CRLF1: variants seen among roughly 807,000 people sequenced by gnomAD.
The protein encoded by CRLF1 is cytokine receptor like factor 1.
In CRLF1, 36 loss-of-function variants were observed where a neutral mutation model predicts 48.9. The observed-to-expected ratio is 0.74, with a 90% CI of 0.56 to 0.97. CRLF1 has a LOEUF of 0.97. Ranked by LOEUF, CRLF1 falls within the 50% of genes least tolerant of loss-of-function variation. The pLI is 0.00. For missense variants in CRLF1, 534 were observed against 575.1 expected (o/e 0.93, Z 0.73); for synonymous variants, 256 against 253.4 (o/e 1.01, Z -0.10).
Position 18,599,694 on chromosome 19 carries a change from C to T in CRLF1, c.268G>A (p.Val90Ile), listed in dbSNP as rs1398287369. 1.2e-6 allele frequency: 2 copies of T among 1,612,170 alleles called. No homozygotes were observed. Among genetic ancestry groups the T allele is most frequent in the African/African-American group, 2.7e-5 (2 of 74,932 alleles). The change falls in exon 2 of 9, where the codon GTA (valine) becomes ATA (isoleucine). Residue 90 changes from valine (V) to isoleucine (I), a missense_variant. Val to Ile is a conservative substitution (Grantham distance 29, BLOSUM62 3). Coordinates refer to ENST00000392386, the MANE Select transcript of CRLF1 (RefSeq NM_004750.5). ...GRRLPPELSR[V>I]LNASTLALAL... ...AGAGCCAAGGTGGAGGCGTTGAGTA[C>T]ACGGGAGAGCTCAGGGGGCAGGCGG...
Position 18,598,567 on chromosome 19 carries a change from G to A in CRLF1, c.562C>T (p.His188Tyr). The A allele has an allele frequency of 1.2e-6, 2 of 1,614,052 alleles. No homozygotes were observed. The highest frequency in any genetic ancestry group is 1.7e-6 in the Non-Finnish European group (2 of 1,179,966). The change falls in exon 4 of 9, where the codon CAC (histidine) becomes TAC (tyrosine). Residue 188 changes from histidine to tyrosine, a missense_variant. By Grantham distance (83) the His-to-Tyr change is moderately conservative. Coordinates refer to ENST00000392386, the MANE Select transcript of CRLF1 (RefSeq NM_004750.5). Reference protein sequence around the residue: ...YGQDNTCEEYHTVGPHSCHIP... With the variant: ...YGQDNTCEEYYTVGPHSCHIP... The stretch of plus-strand genomic sequence containing the variant: ...TGGCAGGAGTGGGGCCCCACTGTGT[G>A]GTACTCCTCACATGTGTTGTCCTGG...
chr19:18,606,122 T>A lies in CRLF1; in HGVS notation c.115+420A>T, dbSNP rs1976291424. Among the ~76,000 whole-genome samples, 1 of 150,842 alleles carries A rather than the reference T, an allele frequency of 6.6e-6. No homozygotes were observed. Among genetic ancestry groups the A allele is most frequent in the Non-Finnish European group, 1.5e-5 (1 of 67,490 alleles). On this transcript the variant is annotated intron_variant, in intron 1 of 8. Coordinates refer to ENST00000392386, the MANE Select transcript of CRLF1 (RefSeq NM_004750.5). This position sits in a 1 kb window ranked among gnomAD's most constrained non-coding sequence, Gnocchi z 4.8. Reference sequence around the variant, plus strand: ...TCCCCGTGGGGCTCATCCCTCCGCCTGGGGGGGCCCGCTGGGGGCCCGCAC... The same window carrying A: ...TCCCCGTGGGGCTCATCCCTCCGCCAGGGGGGGCCCGCTGGGGGCCCGCAC...
Position 18,597,008 on chromosome 19 carries a change from C to T in CRLF1, c.739G>A (p.Gly247Arg), listed in dbSNP as rs892215986. The T allele has an allele frequency of 3.1e-6, 5 of 1,613,242 alleles. No individual in the cohort carries two copies. The highest frequency in any genetic ancestry group is 2.7e-5 in the African/African-American group (2 of 74,858). Residue 247 changes from glycine (G) to arginine (R), a missense_variant, in exon 5 of 9, where the codon GGG (glycine) becomes AGG (arginine). By Grantham distance (125) the Gly-to-Arg change is moderately radical (BLOSUM62 -2). Coordinates refer to ENST00000392386, the MANE Select transcript of CRLF1 (RefSeq NM_004750.5). Reference sequence around the variant, plus strand: ...ACGCTCAGCTGGTCCTCCAGGCCCCCGACGCGGCTCACGTGCACGTCGGGC... The same window carrying T: ...ACGCTCAGCTGGTCCTCCAGGCCCCTGACGCGGCTCACGTGCACGTCGGGC... Reference protein sequence around the residue: ...PPPDVHVSRVGGLEDQLSVRW... With the variant: ...PPPDVHVSRVRGLEDQLSVRW...
chr19:18,593,866 T>A (rs977434580), intron 8 of CRLF1, 199 bp downstream of exon 8: 1 of 985,276 alleles, frequency 1.0e-6, no homozygotes. Context: ...CATTGAATGT[T>A]CTTAGGCTAA....
intron 8 of CRLF1, 67 bp from the exon 9 acceptor site, chr19:18,593,646 AAGGAG>A (rs1158266219): frequency 1.3e-6 from 2 of 1,561,174 alleles, no homozygotes; most frequent in Non-Finnish European, 1.7e-6. Flanking sequence ...AGAGCCACTG[AAGGAG>A]GCTTCATTCG....
At chr19:18,600,317 G>A (rs921448643) in intron 1 of CRLF1, among the ~76,000 whole-genome samples, 3 of 151,434 alleles carry the variant, frequency 2.0e-5, no homozygotes, top group Admixed American at 1.3e-4. Flanking sequence ...TTCTGCCTCA[G>A]CCTCCCGAGT....
intron 8 of CRLF1, 92 bp downstream of exon 8, chr19:18,593,973 T>G: frequency 1.3e-6 from 2 of 1,515,080 alleles, no homozygotes; most frequent in South Asian, 1.2e-5. Context: ...AAGGCTGGGG[T>G]TGGGAGGCGT....
rs761309301 is a variant in CRLF1 at position 18,598,819 on chromosome 19, G to A, written c.480C>T (p.His160=). The A allele has an allele frequency of 9.9e-6, 16 of 1,613,986 alleles. No individual in the cohort carries two copies. The highest frequency in any genetic ancestry group is 5.0e-5 in the Admixed American group (3 of 60,006). ...DLTCRWTPGA[H]GETFLHTNYS... is the part of the protein sequence containing the mutation. ...AGTTGGTGTGGAGGAAGGTCTCCCC[G>A]TGGGCCCCTGGCGTCCAGCGGCAGG... The change falls in exon 3 of 9, where the codon CAC becomes CAT. Residue 160 remains histidine, a synonymous_variant. Transcript: ENST00000392386.
In CRLF1 at chr19:18,606,597, C is replaced by A; in HGVS notation, c.60G>T (p.Leu20=). 1 of 1,125,420 alleles carries A rather than the reference C, an allele frequency of 8.9e-7. No individual in the cohort carries two copies. Among genetic ancestry groups the A allele is most frequent in the Non-Finnish European group, 1.1e-6 (1 of 920,946 alleles). 69.7% of individuals were successfully genotyped at this position (1,125,420 alleles called of 1,614,324 possible). A position where few individuals can be genotyped will look rare whatever the true frequency, so the allele number is the denominator to read the frequency against. ...AQSARRPPPL[L]PLLLLLCVLG... is the part of the protein sequence containing the mutation. ...GGACGCAGAGCAGCAGCAGCAGGGGCAGCAACGGCGGCGGCCGCCGCGCGG... is the reference window on the plus strand; with the variant it reads ...GGACGCAGAGCAGCAGCAGCAGGGGAAGCAACGGCGGCGGCCGCCGCGCGG... Residue 20 remains leucine (L), a synonymous_variant, in exon 1 of 9, where the codon CTG becomes CTT. Transcript: ENST00000392386. This position sits in a 1 kb window ranked among gnomAD's most constrained non-coding sequence, Gnocchi z 4.8.
intron 1 of CRLF1, among the ~76,000 whole-genome samples, chr19:18,603,898 G>A (rs1343975426): frequency 2.0e-5 from 3 of 151,456 alleles, no homozygotes; most frequent in East Asian, 2.0e-4. Flanking sequence ...CGAGGGGGGC[G>A]GGGGGCTGGG....
chr19:18,594,204 C>T (rs1976097659), intron 7 of CRLF1, 43 bp downstream of exon 7: 1 of 1,610,920 alleles, frequency 6.2e-7, no homozygotes, highest in East Asian at 2.2e-5. Context: ...GCCCCCCCAG[C>T]TCCCTGTCCC....
Position 18,596,842 on chromosome 19 carries a change from G to C in CRLF1, c.855+50C>G, listed in dbSNP as rs10401510. ...AGAGGGCGGGGCCTAGCAGGAGCGG[G>C]GGCGGGGCCTGGAAGGAACAGGGGC... On this transcript the variant is annotated intron_variant, in intron 5 of 8. Transcript: ENST00000392386. 12 of 1,613,072 alleles carry C rather than the reference G, an allele frequency of 7.4e-6. No individual in the cohort carries two copies. The African/African-American group carries it at 1.5e-4, about 20-fold the overall frequency.
chr19:18,597,272 G>A (rs183095197), intron 4 of CRLF1, among the ~76,000 whole-genome samples: 3 of 152,184 alleles, frequency 2.0e-5, no homozygotes, highest in Non-Finnish European at 2.9e-5. Flanking sequence ...ATCTGTGACG[G>A]GAGAAACATA....
Position 18,594,075 on chromosome 19 carries a change from G to A in CRLF1, c.1245C>T (p.Gly415=), listed in dbSNP as rs1313793402. ...TCAGGCCCACCTTACCTCTCGCCGT[G>A]CCCCGTCTGCCCGAGGGCAGGATCC... ...DEGILPSGRR[G]TARGPAR is the part of the protein sequence containing the mutation. Residue 415 remains glycine, a synonymous_variant, in exon 8 of 9, where the codon GGC becomes GGT. Coordinates refer to ENST00000392386, the MANE Select transcript of CRLF1 (RefSeq NM_004750.5). 1 of 1,299,292 alleles carries A rather than the reference G, an allele frequency of 7.7e-7. No individual in the cohort carries two copies. The allele number at this position is 1,299,292 out of a possible 1,614,324, so 80.5% of individuals were successfully genotyped here.
chr19:18,605,477 C>G (rs1047574945), intron 1 of CRLF1, among the ~76,000 whole-genome samples: 14 of 152,222 alleles, frequency 9.2e-5, no homozygotes, highest in African/African-American at 3.4e-4. Context: ...GACTGAACAT[C>G]TGGGGCGAGT....
Position 18,599,697 on chromosome 19 carries a change from G to C in CRLF1, c.265C>G (p.Arg89Gly). ...NGRRLPPELS[R>G]VLNASTLALA... ...GCCAAGGTGGAGGCGTTGAGTACAC[G>C]GGAGAGCTCAGGGGGCAGGCGGCGC... is the stretch of plus-strand genomic sequence containing the variant. Residue 89 changes from arginine (R) to glycine (G), a missense_variant, in exon 2 of 9, where the codon CGT (arginine) becomes GGT (glycine). Coordinates refer to ENST00000392386, the MANE Select transcript of CRLF1 (RefSeq NM_004750.5). 6.2e-7 allele frequency: 1 copy of C among 1,611,974 alleles called. No homozygotes were observed. Among genetic ancestry groups the C allele is most frequent in the Non-Finnish European group, 8.5e-7 (1 of 1,179,276 alleles).
At chr19:18,597,574 C>T (rs369327062) in intron 4 of CRLF1, among the ~76,000 whole-genome samples, 1 of 151,210 alleles carries the variant, frequency 6.6e-6, no homozygotes, top group Non-Finnish European at 1.5e-5. Flanking sequence ...GGACTACAGG[C>T]GCCCGCCACT....
At chr19:18,597,491 G>A (rs897042854) in intron 4 of CRLF1, among the ~76,000 whole-genome samples, 5 of 137,652 alleles carry the variant, frequency 3.6e-5, no homozygotes, top group East Asian at 2.1e-4. Context: ...GTGCAGTGGC[G>A]GGATCTCGGC....
intron 6 of CRLF1, among the ~76,000 whole-genome samples, chr19:18,596,166 A>G (rs1428102420): frequency 6.6e-6 from 1 of 152,146 alleles, no homozygotes; most frequent in Non-Finnish European, 1.5e-5. Flanking sequence ...TCCAAACAAC[A>G]GGCCAAAGAA....
Sources: allele counts gnomAD v4.1 joint callset (sites outside exome capture counted in the v4.1 genomes callset), GRCh38; gene constraint gnomAD v4.1.1; non-coding constraint Gnocchi (gnomAD v3.1); transcripts MANE v1.5; gene names NCBI Gene and HGNC (gene_info 2026-07-23, HGNC 2026-07-21).